FAT1: variants seen among roughly 807,000 people sequenced by gnomAD.
FAT1 encodes the protein protocadherin Fat 1.
A neutral mutation model predicts 329.8 loss-of-function variants in FAT1; 171 were observed. That is an observed-to-expected ratio of 0.52 (90% CI 0.46 to 0.59). FAT1 has a LOEUF of 0.59. FAT1 is among the 20% of genes least tolerant of loss of function. FAT1 has a pLI of 0.00. For synonymous variants in FAT1, 2,233 were observed against 2,228.6 expected, an observed-to-expected ratio of 1.00 and a Z score of -0.06; for missense variants, 5,672 against 5,774.4, an observed-to-expected ratio of 0.98 and a Z score of 0.57.
chr4:186,659,142 G>A (rs533214200), intron 3 of FAT1, among the ~76,000 whole-genome samples: 27 of 152,242 alleles, frequency 1.8e-4, no homozygotes, highest in South Asian at 4.1e-4. Context: ...TGCAGTGTTC[G>A]GTACAGGATC....
In FAT1 at chr4:186,619,423, G is replaced by T. The variant is rs755523790; in HGVS notation, c.7163C>A (p.Pro2388Gln). The T allele has an allele frequency of 6.2e-7, 1 of 1,613,982 alleles. No individual in the cohort carries two copies. Among genetic ancestry groups the T allele is most frequent in the Non-Finnish European group, 8.5e-7 (1 of 1,179,884 alleles). ...VDVTDLNDNP[P>Q]LFEQQIYEAR... ...TTCATAAATCTGTTGTTCAAAGAGT[G>T]GTGGATTATCATTGAGGTCGGTAAC... is the stretch of plus-strand genomic sequence containing the variant. The change falls in exon 10 of 27, where the codon CCA becomes CAA. Residue 2388 changes from proline to glutamine, a missense_variant. Transcript: ENST00000441802.
chr4:186,599,248 C>T (rs1738676453), intron 22 of FAT1, among the ~76,000 whole-genome samples: 1 of 152,144 alleles, frequency 6.6e-6, no homozygotes, highest in Admixed American at 6.5e-5. Flanking sequence ...AGCAGAAAAC[C>T]AAAGCTTTGG....
intron 3 of FAT1, among the ~76,000 whole-genome samples, chr4:186,657,881 C>T (rs1028793714): frequency 6.6e-6 from 1 of 152,150 alleles, no homozygotes; most frequent in African/African-American, 2.4e-5. Context: ...AGGGTGGTGT[C>T]GATTTCCCGA....
rs745401767 is a variant in FAT1, at chr4:186,708,437, G to T, written c.1391C>A (p.Thr464Asn). ...AAAAGCAGCTTTGTACGCTGTCTGG[G>T]TAAATTCAGGGGGATTGCTATTTGC... ...LGANSNPPEF[T>N]QTAYKAAFDE... The change falls in exon 2 of 27, where the codon ACC becomes AAC. Residue 464 changes from threonine to asparagine, a missense_variant. Transcript: ENST00000441802. 13 of 1,613,840 alleles carry T rather than the reference G, an allele frequency of 8.1e-6. No homozygotes were observed. In the Admixed American group the frequency reaches 1.7e-4, roughly 21 times the overall value.
chr4:186,590,569 G>GAAAT (rs1297274901), intron 26 of FAT1: 1 of 461,576 alleles, frequency 2.2e-6, no homozygotes, highest in East Asian at 6.9e-5. Flanking sequence ...AAATGGCTGA[G>GAAAT]AAATGTATGT....
At chr4:186,598,657 T>A (rs763732165) in intron 22 of FAT1, 1 of 152,380 alleles carries the variant, frequency 6.6e-6, no homozygotes, top group Non-Finnish European at 1.5e-5. Context: ...GCCTCCTGAG[T>A]AGCTGGAACT....
At chr4:186,597,578 A>G in intron 24 of FAT1, 104 bp downstream of exon 24, 2 of 753,760 alleles carry the variant, frequency 2.7e-6, no homozygotes, top group Non-Finnish European at 4.5e-6. Flanking sequence ...GGATTATCAA[A>G]ATCTGACATA....
At chr4:186,705,003 G>A (rs1046476123) in intron 2 of FAT1, among the ~76,000 whole-genome samples, 7 of 144,034 alleles carry the variant, frequency 4.9e-5, no homozygotes, top group Admixed American at 1.4e-4. Context: ...GGAGTGCAAC[G>A]GCACAATCAC....
Position 186,639,728 on chromosome 4 carries a change from T to C in FAT1, c.3636A>G (p.Ile1212Met). The C allele has an allele frequency of 1.2e-6, 2 of 1,609,624 alleles. No individual in the cohort carries two copies. The highest frequency in any genetic ancestry group is 2.2e-5 in the East Asian group (1 of 44,844). Reference protein sequence around the residue: ...KLDREQQDEHILEVTVTDNGS... With the variant: ...KLDREQQDEHMLEVTVTDNGS... ...AGATAAAAAAAAAACTTACCTCTAA[T>C]ATGTGTTCATCTTGCTGTTCTCGGT... The change falls in exon 4 of 27, where the codon ATA (isoleucine) becomes ATG (methionine). Residue 1212 changes from isoleucine to methionine, a missense_variant. Physicochemically the swap from Ile to Met is conservative, Grantham distance 10. Coordinates refer to ENST00000441802, the MANE Select transcript of FAT1 (RefSeq NM_005245.4).
At position 186,588,760 on chromosome 4, in the gene FAT1, C is replaced by T. The variant is rs2126349521; in HGVS notation, c.13599G>A (p.Glu4533=). 6.2e-7 allele frequency: 1 copy of T among 1,613,980 alleles called. No homozygotes were observed. The highest frequency in any genetic ancestry group is 1.3e-5 in the African/African-American group (1 of 75,044). ...YQRHFEAPAV[E]SMPMSVYAST... Reference sequence around the variant, plus strand: ...AGGCGTACACAGACATGGGCATGCTCTCGACAGCGGGCGCCTCGAAGTGTC... The same window carrying T: ...AGGCGTACACAGACATGGGCATGCTTTCGACAGCGGGCGCCTCGAAGTGTC... The change falls in exon 27 of 27, where the codon GAG becomes GAA. Residue 4533 remains glutamate (E), a synonymous_variant. Transcript: ENST00000441802.
intron 26 of FAT1, among the ~76,000 whole-genome samples, chr4:186,594,109 A>C (rs1738376353): frequency 6.6e-6 from 1 of 151,860 alleles, no homozygotes; most frequent in South Asian, 2.1e-4. Flanking sequence ...TCTGTCGCCC[A>C]GGCTGGAGTG....
chr4:186,674,425 T>C (rs1479130905), intron 2 of FAT1, among the ~76,000 whole-genome samples: 1 of 152,138 alleles, frequency 6.6e-6, no homozygotes, highest in African/African-American at 2.4e-5. Flanking sequence ...AGTCCACACA[T>C]AAAACCAGAG....
intron 2 of FAT1, among the ~76,000 whole-genome samples, chr4:186,682,255 G>A (rs994420855): frequency 3.9e-5 from 6 of 152,106 alleles, no homozygotes; most frequent in African/African-American, 1.4e-4. Flanking sequence ...AGCCGGGCGC[G>A]GTGGCTCACG....
chr4:186,671,937 G>C (rs1053635628), intron 2 of FAT1, among the ~76,000 whole-genome samples: 1 of 152,038 alleles, frequency 6.6e-6, no homozygotes, highest in African/African-American at 2.4e-5. Flanking sequence ...AGTCTATTGG[G>C]CTGAAGGCAT....
intron 7 of FAT1, among the ~76,000 whole-genome samples, chr4:186,630,669 G>A (rs1740541720): frequency 6.6e-6 from 1 of 152,052 alleles, no homozygotes; most frequent in South Asian, 2.1e-4. Context: ...CACCCTGCGG[G>A]TCACCTCATC....
chr4:186,707,961 C>T lies in FAT1; in HGVS notation c.1867G>A (p.Val623Ile), dbSNP rs767231814. 6 of 1,613,766 alleles carry T rather than the reference C, an allele frequency of 3.7e-6. No homozygotes were observed. The South Asian group carries it at 5.5e-5, about 15-fold the overall frequency. Residue 623 changes from valine (V) to isoleucine (I), a missense_variant, in exon 2 of 27, where the codon GTA (valine) becomes ATA (isoleucine). Physicochemically the swap from Val to Ile is conservative, Grantham distance 29. Around this residue, in one of 2 missense-constraint regions of FAT1, gnomAD observed 3,966 missense variants for 3,915.2 expected, o/e 1.01. Transcript: ENST00000441802. ...ATTAGCGATCGCTTTAATGACAATA[C>T]CCCCGAGTTGGGGTTTAAACTAAAG... ...DFFSLNPNSG[V>I]LSLKRSLMDG...
intron 24 of FAT1, 59 bp downstream of exon 24, chr4:186,597,623 G>T: frequency 8.3e-7 from 1 of 1,205,932 alleles, no homozygotes; most frequent in South Asian, 1.3e-5. Context: ...TGTTGCATCT[G>T]CCAGTCAATA....
chr4:186,603,618 C>T lies in FAT1; in HGVS notation c.10908G>A (p.Gln3636=), dbSNP rs373135745. ...TCGCGATGGTGTGGTTCAACATCTC[C>T]TGTGTGACTTGTCTGATATGCACTG... is the stretch of plus-strand genomic sequence containing the variant. ...DITVHIRQVT[Q]EMLNHTIAIR... is the part of the protein sequence containing the mutation. Residue 3636 remains glutamine, a synonymous_variant, in exon 19 of 27, where the codon CAG becomes CAA. Transcript: ENST00000441802. The T allele has an allele frequency of 1.1e-5, 17 of 1,613,904 alleles. No individual in the cohort carries two copies. The African/African-American group carries it at 2.1e-4, about 20-fold the overall frequency.
rs1738725253 is a variant in FAT1 at position 186,600,104 on chromosome 4, C to G, written c.11897G>C (p.Ser3966Thr). The G allele has an allele frequency of 6.2e-7, 1 of 1,614,072 alleles. No individual in the cohort carries two copies. The highest frequency in any genetic ancestry group is 2.2e-5 in the East Asian group (1 of 44,882). ...CCTGAAACCATTACCAACTTGAGGA[C>G]TTCTTCCATGCCTTGTTCCCTGCTG... ...IRQQGTRHGR[S>T]PQVGNGFRGC... is the part of the protein sequence containing the mutation. Residue 3966 changes from serine (S) to threonine (T), a missense_variant, in exon 22 of 27, where the codon AGT becomes ACT. Transcript: ENST00000441802.
Sources: gnomAD v4.1 joint callset for allele counts (sites outside exome capture counted in the v4.1 genomes callset) on GRCh38, gnomAD v4.1.1 for gene constraint, gnomAD v4.1.1 regional missense constraint, MANE v1.5 for transcripts, NCBI Gene and HGNC (gene_info 2026-07-23, HGNC 2026-07-21) for gene names.